SBF2: variants seen among roughly 807,000 people sequenced by gnomAD.
The protein encoded by SBF2 is SET binding factor 2, also known as myotubularin-related protein 13.
SBF2 carries 112 observed loss-of-function variants against 225.2 expected under a neutral mutation model. The observed-to-expected ratio is 0.50, with a 90% CI of 0.43 to 0.58. SBF2 has a LOEUF of 0.58. Among genes scored for constraint, SBF2 ranks in the 20% least tolerant of loss-of-function variants. The pLI is 0.00. For synonymous variants in SBF2, 763 were observed against 773.3 expected (o/e 0.99, Z 0.22); for missense variants, 1,996 against 2,206.2 (o/e 0.90, Z 1.91).
rs766860937 is a variant in SBF2, at chr11:9,938,956, TCTAAA to T, written c.1860+22996_1860+23000del. Among the ~76,000 whole-genome samples, 451 of 151,996 alleles carry T rather than the reference TCTAAA, an allele frequency of 3.0e-3. 2 individuals are homozygous for T. The highest frequency in any genetic ancestry group is 7.3e-3 in the South Asian group (35 of 4,820). ...TGGGAAAAAATTGTAAAGGGCAATA[TCTAAA>T]CTAAAGTGCTCTTACAAAATGTCAA... On this transcript the variant is annotated intron_variant, in intron 16 of 39. Transcript: ENST00000256190.
intron 2 of SBF2, among the ~76,000 whole-genome samples, chr11:10,081,258 C>G (rs1299416296): frequency 2.0e-5 from 3 of 152,116 alleles, no homozygotes; most frequent in Non-Finnish European, 1.5e-5. Flanking sequence ...AACCAGAAAT[C>G]AATTCCAAGA....
chr11:10,141,384 G>C (rs1179436872), intron 2 of SBF2, among the ~76,000 whole-genome samples: 1 of 152,144 alleles, frequency 6.6e-6, no homozygotes, highest in African/African-American at 2.4e-5. Context: ...TTCTGTGCTT[G>C]CTGGTTTTGA....
chr11:9,967,153 C>A (rs762720526), intron 14 of SBF2, among the ~76,000 whole-genome samples: 1 of 152,058 alleles, frequency 6.6e-6, no homozygotes, highest in African/African-American at 2.4e-5. Context: ...GGGCAGATCA[C>A]GAGGTCAGGA....
chr11:10,148,077 T>G (rs879845553), intron 2 of SBF2, among the ~76,000 whole-genome samples: 2 of 152,178 alleles, frequency 1.3e-5, no homozygotes, highest in Non-Finnish European at 2.9e-5. Context: ...GTTATCAAAA[T>G]AGTATAAATG....
intron 25 of SBF2, among the ~76,000 whole-genome samples, chr11:9,840,266 A>AC (rs1470353368): frequency 1.3e-5 from 2 of 151,936 alleles, no homozygotes; most frequent in African/African-American, 4.8e-5. Context: ...AAAAAAAAAA[A>AC]ACAAACCCGC....
chr11:9,795,778 A>G, intron 33 of SBF2, 53 bp downstream of exon 33: 6 of 1,592,196 alleles, frequency 3.8e-6, no homozygotes, highest in Admixed American at 1.7e-5. Context: ...AATTTTCATT[A>G]AAAACATGCA....
intron 32 of SBF2, among the ~76,000 whole-genome samples, chr11:9,805,977 T>C (rs376460307): frequency 6.6e-6 from 1 of 152,228 alleles, no homozygotes; most frequent in South Asian, 2.1e-4. Flanking sequence ...AGACTTGTGG[T>C]CTTTCAAATT....
chr11:10,296,547 TG>T (rs1463572255), upstream of SBF2, among the ~76,000 whole-genome samples: 2 of 152,142 alleles, frequency 1.3e-5, no homozygotes, highest in Non-Finnish European at 2.9e-5. Context: ...GTGGGAATTA[TG>T]GGGTACAATT....
chr11:10,247,124 T>C (rs1959880027), intron 1 of SBF2, among the ~76,000 whole-genome samples: 1 of 152,088 alleles, frequency 6.6e-6, no homozygotes, highest in African/African-American at 2.4e-5. Flanking sequence ...ACATAAACTT[T>C]CAGTGAAAGA....
In SBF2 at chr11:9,781,619, C is replaced by T. The variant is rs764953844; in HGVS notation, c.5339G>A (p.Gly1780Asp). Residue 1780 changes from glycine (G) to aspartate (D), a missense_variant, in exon 39 of 40, where the codon GGT (glycine) becomes GAT (aspartate). Transcript: ENST00000256190. ...GTGGCCTTTACAGCTTGTGTCCTCA[C>T]CTGAGTCATAGTAGCGCAGCTGGAA... ...TKHQLRYYDS[G>D]EDTSCKGHID... 1.2e-6 allele frequency: 2 copies of T among 1,614,194 alleles called. No individual in the cohort carries two copies. The highest frequency in any genetic ancestry group is 1.7e-6 in the Non-Finnish European group (2 of 1,180,036).
intron 2 of SBF2, among the ~76,000 whole-genome samples, chr11:10,173,920 G>A (rs1337637892): frequency 1.1e-4 from 17 of 151,798 alleles, no homozygotes; most frequent in East Asian, 5.9e-4. Flanking sequence ...TCACAGGGCC[G>A]GGTACTCCAA....
At chr11:9,816,751 A>T in intron 29 of SBF2, 89 bp downstream of exon 29, 1 of 1,339,794 alleles carries the variant, frequency 7.5e-7, no homozygotes. Flanking sequence ...CTGTAAAAAA[A>T]ATTCTAGCAA....
At position 9,809,058 on chromosome 11, in the gene SBF2, CAG is replaced by C. The variant is rs1854016433; in HGVS notation, c.4156-58_4156-57del. The C allele has an allele frequency of 9.0e-6, 12 of 1,326,940 alleles. No homozygotes were observed. In the South Asian group the frequency reaches 1.3e-4, roughly 14 times the overall value. The allele number at this position is 1,326,940 out of a possible 1,614,324, so 82.2% of individuals were successfully genotyped here. ...CCAAGCGCTTTCTGAGTGCAGAAGTCAGAGAGAGTTGCTTTCAACCCTGGATA... is the reference window on the plus strand; with the variant it reads ...CCAAGCGCTTTCTGAGTGCAGAAGTCAGAGAGTTGCTTTCAACCCTGGATA... On this transcript the variant is annotated intron_variant, in intron 30 of 39. Coordinates refer to ENST00000256190, the MANE Select transcript of SBF2 (RefSeq NM_030962.4).
At chr11:9,980,302 A>T (rs1284597185) in intron 13 of SBF2, among the ~76,000 whole-genome samples, 2 of 150,572 alleles carry the variant, frequency 1.3e-5, no homozygotes, top group Admixed American at 6.6e-5. Context: ...AAAAAAAAAA[A>T]AAAAAAAAAA....
intron 1 of SBF2, among the ~76,000 whole-genome samples, chr11:10,286,477 A>G (rs1038698892): frequency 6.6e-6 from 1 of 151,096 alleles, no homozygotes; most frequent in African/African-American, 2.4e-5. Context: ...CTCCTGCCTC[A>G]GCCTCCCACG....
At chr11:10,245,190 A>G (rs1467001154) in intron 1 of SBF2, among the ~76,000 whole-genome samples, 2 of 152,050 alleles carry the variant, frequency 1.3e-5, no homozygotes. Context: ...TTATCCAAAA[A>G]AGAAATACAA....
chr11:10,216,340 C>T (rs1370010120), intron 1 of SBF2, among the ~76,000 whole-genome samples: 4 of 152,158 alleles, frequency 2.6e-5, no homozygotes, highest in African/African-American at 9.7e-5. Flanking sequence ...TTTTGAAGTA[C>T]TCTCACCAAC....
intron 16 of SBF2, among the ~76,000 whole-genome samples, chr11:9,942,155 T>G (rs536668770): frequency 6.6e-6 from 1 of 152,284 alleles, no homozygotes; most frequent in Admixed American, 6.5e-5. Flanking sequence ...CACTGCACCC[T>G]CGAGTGGGCT....
At chr11:10,096,636 C>G (rs1465815360) in intron 2 of SBF2, among the ~76,000 whole-genome samples, 1 of 152,082 alleles carries the variant, frequency 6.6e-6, no homozygotes, top group East Asian at 1.9e-4. Flanking sequence ...TGCTCAAGGT[C>G]TGGAATAAAT....
Sources: allele counts gnomAD v4.1 joint callset (sites outside exome capture counted in the v4.1 genomes callset), GRCh38; gene constraint gnomAD v4.1.1; transcripts MANE v1.5; gene names NCBI Gene and HGNC (gene_info 2026-07-23, HGNC 2026-07-21).